IL1RAPL1: variants seen among roughly 807,000 people sequenced by gnomAD.
IL1RAPL1 encodes the protein interleukin-1 receptor accessory protein-like 1.
Under a neutral mutation model 48.4 loss-of-function variants are expected in IL1RAPL1, and 3 were observed. The observed-to-expected ratio is 0.06, with a 90% CI of 0.03 to 0.16. IL1RAPL1 has a LOEUF of 0.16. IL1RAPL1 is among the 10% of genes least tolerant of loss of function. The pLI is 1.00. For synonymous variants in IL1RAPL1, 185 were observed against 187.7 expected, an observed-to-expected ratio of 0.99 and a Z score of 0.12; for missense variants, 349 against 530.6, an observed-to-expected ratio of 0.66 and a Z score of 3.36.
At chrX:29,299,836 C>G (rs1288003176) in intron 3 of IL1RAPL1, among the ~76,000 whole-genome samples, 1 of 112,131 alleles carries the variant, frequency 8.9e-6, no homozygotes, top group Non-Finnish European at 1.9e-5. Flanking sequence ...GAAATTTGAT[C>G]CCAGAGTTGG....
chrX:29,711,069 T>C lies in IL1RAPL1; in HGVS notation c.778+42565T>C, dbSNP rs201203729. The stretch of plus-strand genomic sequence containing the variant: ...GTGTGTGTGTGTGTGTGTGTGTGTA[T>C]ACACACACACACACACACACAGATA... On this transcript the variant is annotated intron_variant, in intron 6 of 10. Transcript: ENST00000378993. 1.5e-3 allele frequency among the ~76,000 whole-genome samples: 130 copies of C among 86,431 alleles called. 1 individual carries two copies. In the East Asian group the frequency reaches 0.029, roughly 19 times the overall value. 75.1% of individuals were successfully genotyped at this position (86,431 alleles called of 115,157 possible).
chrX:29,078,073 C>T (rs1927720193), intron 2 of IL1RAPL1, among the ~76,000 whole-genome samples: 1 of 111,961 alleles, frequency 8.9e-6, no homozygotes, highest in Admixed American at 9.4e-5. Context: ...AGGTCGGGAC[C>T]AGCCTAGCTA....
rs764706716 is a variant in IL1RAPL1 at position 28,935,253 on chromosome X, C to T, written c.82+145828C>T. Among the ~76,000 whole-genome samples, 341 of 110,387 alleles carry T rather than the reference C, an allele frequency of 3.1e-3. 1 individual carries two copies. The highest frequency in any genetic ancestry group is 9.5e-3 in the Middle Eastern group (2 of 210). The stretch of plus-strand genomic sequence containing the variant: ...TTGCAGGTTTTGCTATAGTTATAGC[C>T]CTTACATTTAGTTAATCGATCGATT... On this transcript the variant is annotated intron_variant, in intron 2 of 10. Transcript: ENST00000378993.
intron 1 of IL1RAPL1, among the ~76,000 whole-genome samples, chrX:28,594,563 G>A (rs1258965530): frequency 1.8e-5 from 2 of 111,274 alleles, no homozygotes; most frequent in Admixed American, 9.6e-5. Flanking sequence ...ATGAAGTGAA[G>A]TTTCCAAGAT....
At chrX:29,217,057 G>C (rs111973163) in intron 2 of IL1RAPL1, among the ~76,000 whole-genome samples, 1 of 111,605 alleles carries the variant, frequency 9.0e-6, no homozygotes, top group Admixed American at 9.6e-5. Flanking sequence ...AATTGCCTAC[G>C]TGACTAGCTA....
At chrX:29,138,144 A>G (rs948687372) in intron 2 of IL1RAPL1, among the ~76,000 whole-genome samples, 1 of 112,458 alleles carries the variant, frequency 8.9e-6, no homozygotes, top group Admixed American at 9.5e-5. Flanking sequence ...TCTACAAGCT[A>G]TCAGATTTCC....
At chrX:28,933,809 A>G (rs1923945873) in intron 2 of IL1RAPL1, among the ~76,000 whole-genome samples, 1 of 111,472 alleles carries the variant, frequency 9.0e-6, no homozygotes, top group South Asian at 3.8e-4. Context: ...GTTTTCTGGG[A>G]AAAGGGCAGG....
intron 2 of IL1RAPL1, among the ~76,000 whole-genome samples, chrX:28,985,867 G>T (rs1180010931): frequency 1.8e-5 from 2 of 110,379 alleles, no homozygotes; most frequent in Non-Finnish European, 3.8e-5. Context: ...CACTGTGTTA[G>T]CCAGGATGGT....
Position 29,662,869 on chromosome X carries a change from G to T in IL1RAPL1, c.704-5561G>T, listed in dbSNP as rs139515692. Among the ~76,000 whole-genome samples, 14 of 111,799 alleles carry T rather than the reference G, an allele frequency of 1.3e-4. No individual in the cohort carries two copies. In the South Asian group the frequency reaches 5.3e-3, roughly 42 times the overall value. ...CTCCTCACTCTTTGAGGCTCCTGAG[G>T]CTCCATGACTCCGTGGTTAGTCACC... On this transcript the variant is annotated intron_variant, in intron 5 of 10. Coordinates refer to ENST00000378993, the MANE Select transcript of IL1RAPL1 (RefSeq NM_014271.4).
At chrX:29,629,108 C>T (rs913150149) in intron 5 of IL1RAPL1, among the ~76,000 whole-genome samples, 4 of 112,023 alleles carry the variant, frequency 3.6e-5, no homozygotes, top group Admixed American at 2.8e-4. Flanking sequence ...TTTCTTATTT[C>T]CTGGACCTGG....
At chrX:29,410,906 C>T (rs1192424978) in intron 5 of IL1RAPL1, among the ~76,000 whole-genome samples, 1 of 111,641 alleles carries the variant, frequency 9.0e-6, no homozygotes, top group Non-Finnish European at 1.9e-5. Flanking sequence ...CTTCTTTTGA[C>T]ACCTCCCATT....
At chrX:28,697,259 A>C (rs1422342724) in intron 1 of IL1RAPL1, among the ~76,000 whole-genome samples, 1 of 110,521 alleles carries the variant, frequency 9.0e-6, no homozygotes, top group Non-Finnish European at 1.9e-5. Context: ...TATTTTATAT[A>C]TTGTGGATAT....
chrX:28,769,404 G>A (rs960041395), intron 1 of IL1RAPL1, among the ~76,000 whole-genome samples: 6 of 110,629 alleles, frequency 5.4e-5, no homozygotes, highest in Non-Finnish European at 1.9e-5. Context: ...GAGGAAGGGA[G>A]GAATAGACCC....
chrX:29,749,463 GTA>G (rs1928407691), intron 6 of IL1RAPL1, among the ~76,000 whole-genome samples: 1 of 111,969 alleles, frequency 8.9e-6, no homozygotes, highest in Non-Finnish European at 1.9e-5. Flanking sequence ...TTGAAATGAT[GTA>G]TGAGTTAAAT....
chrX:28,949,220 A>C (rs1924384981), intron 2 of IL1RAPL1, among the ~76,000 whole-genome samples: 1 of 111,285 alleles, frequency 9.0e-6, no homozygotes, highest in African/African-American at 3.3e-5. Context: ...TTGCTGTATG[A>C]AAATTCTTCA....
chrX:28,883,121 T>G (rs1922545664), intron 2 of IL1RAPL1, among the ~76,000 whole-genome samples: 1 of 111,504 alleles, frequency 9.0e-6, no homozygotes, highest in Non-Finnish European at 1.9e-5. Flanking sequence ...CTATAGAAAA[T>G]AATCCTATGA....
chrX:28,978,790 G>C (rs1223053356), intron 2 of IL1RAPL1, among the ~76,000 whole-genome samples: 1 of 111,869 alleles, frequency 8.9e-6, no homozygotes, highest in Non-Finnish European at 1.9e-5. Context: ...ATTTGAGAGG[G>C]AGCAGAGCAA....
intron 6 of IL1RAPL1, among the ~76,000 whole-genome samples, chrX:29,802,947 GCATATATGTATA>G (rs1373791205): frequency 2.2e-5 from 1 of 45,410 alleles, no homozygotes; most frequent in Non-Finnish European, 3.9e-5. Flanking sequence ...ACATATGTAT[GCATATATGTATA>G]CATGTGTACA....
At chrX:29,572,457 T>C (rs1422572641) in intron 5 of IL1RAPL1, among the ~76,000 whole-genome samples, 1 of 112,677 alleles carries the variant, frequency 8.9e-6, no homozygotes, top group Non-Finnish European at 1.9e-5. Context: ...TGTCTTTAAA[T>C]TCACAGGAGA....
Sources: gnomAD v4.1 joint callset for allele counts (sites outside exome capture counted in the v4.1 genomes callset) on GRCh38, gnomAD v4.1.1 for gene constraint, MANE v1.5 for transcripts, NCBI Gene and HGNC (gene_info 2026-07-23, HGNC 2026-07-21) for gene names.